Variants in PCBP3 observed in about 807,000 individuals in gnomAD.
The protein encoded by PCBP3 is poly(rC) binding protein 3.
A neutral mutation model predicts 52.7 loss-of-function variants in PCBP3; 25 were observed. That is an observed-to-expected ratio of 0.47 (90% CI 0.35 to 0.66). PCBP3 has a LOEUF of 0.66. PCBP3 is among the 30% of genes least tolerant of loss of function. PCBP3 has a pLI of 0.01. For synonymous variants in PCBP3, 162 were observed against 183.0 expected, an observed-to-expected ratio of 0.89 and a Z score of 0.93; for missense variants, 391 against 490.3, an observed-to-expected ratio of 0.80 and a Z score of 1.91.
intron 4 of PCBP3, among the ~76,000 whole-genome samples, chr21:45,799,124 C>T (rs1052802582): frequency 3.9e-5 from 6 of 152,160 alleles, no homozygotes; most frequent in Non-Finnish European, 8.8e-5. Context: ...TGGTTGAATG[C>T]GTGGATCTGT....
chr21:45,908,496 A>G (rs536715386), intron 9 of PCBP3, among the ~76,000 whole-genome samples: 2 of 152,340 alleles, frequency 1.3e-5, no homozygotes, highest in Admixed American at 6.5e-5. Flanking sequence ...AGAAGAGGGC[A>G]CTTTTCGTGG....
At chr21:45,809,705 G>A (rs941379801) in intron 4 of PCBP3, among the ~76,000 whole-genome samples, 3 of 152,238 alleles carry the variant, frequency 2.0e-5, no homozygotes, top group African/African-American at 7.2e-5. Flanking sequence ...TCCGGGTCGG[G>A]GCAAGGCCCT....
At chr21:45,912,212 T>G (rs2096410166) in intron 11 of PCBP3, among the ~76,000 whole-genome samples, 1 of 152,058 alleles carries the variant, frequency 6.6e-6, no homozygotes. Flanking sequence ...CCACCCTATC[T>G]CCTTCCTGGG....
chr21:45,823,027 T>TATAGGAC (rs1348254648), intron 4 of PCBP3, among the ~76,000 whole-genome samples: 1 of 152,194 alleles, frequency 6.6e-6, no homozygotes, highest in African/African-American at 2.4e-5. Context: ...GCTGTCCTCT[T>TATAGGAC]ATAGGACATC....
intron 5 of PCBP3, among the ~76,000 whole-genome samples, chr21:45,881,296 T>C (rs1485767120): frequency 6.6e-6 from 1 of 152,214 alleles, no homozygotes; most frequent in Non-Finnish European, 1.5e-5. Context: ...GGTATATTGC[T>C]GAATTCTATG....
intron 5 of PCBP3, among the ~76,000 whole-genome samples, chr21:45,876,037 A>G (rs1279871432): frequency 1.3e-5 from 2 of 152,234 alleles, no homozygotes; most frequent in East Asian, 1.9e-4. Flanking sequence ...ACCCTTTTTC[A>G]TGGGCCAGTA....
At chr21:45,705,466 A>T (rs558144953) in intron 2 of PCBP3, among the ~76,000 whole-genome samples, 3 of 152,308 alleles carry the variant, frequency 2.0e-5, no homozygotes, top group African/African-American at 7.2e-5. Flanking sequence ...GGGCTCCTGC[A>T]GCTCCCTGGG....
chr21:45,784,715 G>A (rs1452729551), intron 4 of PCBP3, among the ~76,000 whole-genome samples: 3 of 152,236 alleles, frequency 2.0e-5, no homozygotes, highest in Non-Finnish European at 4.4e-5. Context: ...CGCCAGCCTC[G>A]GCCTCCCGAG....
Position 45,816,057 on chromosome 21 carries a change from AGTGAGTGATGAGTGAGTG to A in PCBP3, c.-125-33889_-125-33872del, listed in dbSNP as rs1359354124. Among the ~76,000 whole-genome samples, 15 of 90,866 alleles carry A rather than the reference AGTGAGTGATGAGTGAGTG, an allele frequency of 1.7e-4. No homozygotes were observed. The South Asian group carries it at 2.8e-3, about 17-fold the overall frequency. 59.6% of individuals were successfully genotyped at this position (90,866 alleles called of 152,430 possible). On this transcript the variant is annotated intron_variant, in intron 4 of 17. Coordinates refer to ENST00000681687, the MANE Select transcript of PCBP3 (RefSeq NM_001384156.1). Reference sequence around the variant, plus strand: ...AGTGGTGAGTGAGTGGTGAGTGGTGAGTGAGTGATGAGTGAGTGGTGAGTGATGAGTGGTGAGTGGTGA... The same window carrying A: ...AGTGGTGAGTGAGTGGTGAGTGGTGAGTGAGTGATGAGTGGTGAGTGGTGA...
intron 2 of PCBP3, among the ~76,000 whole-genome samples, chr21:45,691,551 G>A (rs1038033908): frequency 1.3e-5 from 2 of 151,176 alleles, no homozygotes; most frequent in African/African-American, 2.4e-5. Flanking sequence ...AACAGAGAGA[G>A]GGAGAATTCT....
At chr21:45,792,601 A>C (rs1236846696) in intron 4 of PCBP3, among the ~76,000 whole-genome samples, 1 of 152,252 alleles carries the variant, frequency 6.6e-6, no homozygotes, top group Non-Finnish European at 1.5e-5. Context: ...CAACAACAGA[A>C]ATTCATGATG....
rs1165407366 is a variant in PCBP3 at position 45,805,757 on chromosome 21, A to G, written c.-125-44204A>G. On this transcript the variant is annotated intron_variant, in intron 4 of 17. Transcript: ENST00000681687. This position sits in a 1 kb window ranked among gnomAD's most constrained non-coding sequence, Gnocchi z 4.6. ...GTCTTTCTGTGGTGGTAAAGGTGAC[A>G]TCCCCTCCTAGCAGCTGCACACTGG... Among the ~76,000 whole-genome samples, 1 of 152,102 alleles carries G rather than the reference A, an allele frequency of 6.6e-6. No homozygotes were observed. The highest frequency in any genetic ancestry group is 2.4e-5 in the African/African-American group (1 of 41,420).
chr21:45,817,661 G>A lies in PCBP3; in HGVS notation c.-125-32300G>A, dbSNP rs557115620. On this transcript the variant is annotated intron_variant, in intron 4 of 17. Coordinates refer to ENST00000681687, the MANE Select transcript of PCBP3 (RefSeq NM_001384156.1). The surrounding 1 kb of genome is among the most constrained non-coding windows in gnomAD (Gnocchi z 4.3). ...GGCGAGGAGCTCAGCGTGTGTCTCC[G>A]CCGGGTGAAAGATCACAGTCCTGCA... is the stretch of plus-strand genomic sequence containing the variant. 9.8e-5 allele frequency among the ~76,000 whole-genome samples: 15 copies of A among 152,308 alleles called. No individual in the cohort carries two copies. The highest frequency in any genetic ancestry group is 3.9e-4 in the Admixed American group (6 of 15,298).
intron 4 of PCBP3, among the ~76,000 whole-genome samples, chr21:45,780,351 C>T (rs2090547913): frequency 6.6e-6 from 1 of 152,228 alleles, no homozygotes; most frequent in Non-Finnish European, 1.5e-5. Context: ...AAGTCTCTCT[C>T]TGGAAAGAGG....
intron 9 of PCBP3, among the ~76,000 whole-genome samples, chr21:45,905,223 C>A (rs1010598860): frequency 1.3e-5 from 2 of 152,178 alleles, no homozygotes; most frequent in African/African-American, 4.8e-5. Context: ...GGCAGAATGA[C>A]CCCCCAGAGC....
intron 6 of PCBP3, among the ~76,000 whole-genome samples, chr21:45,897,770 C>G (rs532501976): frequency 1.4e-4 from 22 of 152,224 alleles, no homozygotes; most frequent in Middle Eastern, 6.8e-3. Context: ...TGCTGTGGGT[C>G]CTGGGCTGCT....
chr21:45,868,361 C>T (rs2094839460), intron 5 of PCBP3, among the ~76,000 whole-genome samples: 1 of 151,786 alleles, frequency 6.6e-6, no homozygotes. Flanking sequence ...TCTGCGCCGC[C>T]GAATCTCAGC....
At chr21:45,909,011 C>T (rs1380885802) in intron 9 of PCBP3, among the ~76,000 whole-genome samples, 1 of 152,134 alleles carries the variant, frequency 6.6e-6, no homozygotes, top group African/African-American at 2.4e-5. Context: ...CTCCAGCCTC[C>T]ATTCTCCCCT....
At chr21:45,711,722 A>G (rs1270327135) in intron 2 of PCBP3, among the ~76,000 whole-genome samples, 3 of 152,236 alleles carry the variant, frequency 2.0e-5, no homozygotes, top group Non-Finnish European at 4.4e-5. Context: ...TATTTTTAAT[A>G]CAGTTAGATT....
Sources: gnomAD v4.1 joint callset for allele counts (sites outside exome capture counted in the v4.1 genomes callset) on GRCh38, gnomAD v4.1.1 for gene constraint, Gnocchi (gnomAD v3.1) non-coding constraint, MANE v1.5 for transcripts, NCBI Gene and HGNC (gene_info 2026-07-23, HGNC 2026-07-21) for gene names.